The following CSMD3 variants were observed in gnomAD, a reference collection of about 807,000 sequenced individuals.
The protein encoded by CSMD3 is CUB and sushi domain-containing protein 3.
Under a neutral mutation model 435.2 loss-of-function variants are expected in CSMD3, and 177 were observed. The ratio of observed to expected loss-of-function variants is 0.41; its 90% CI spans 0.36 to 0.46. The LOEUF (loss-of-function observed/expected upper bound fraction) is 0.46. Ranked by LOEUF, CSMD3 falls within the 20% of genes least tolerant of loss-of-function variation. CSMD3 has a pLI of 0.34. For missense variants in CSMD3, 4,265 were observed against 4,504.6 expected (o/e 0.95, Z 1.52); for synonymous variants, 1,656 against 1,520.5 (o/e 1.09, Z -2.07).
intron 3 of CSMD3, among the ~76,000 whole-genome samples, chr8:113,178,840 C>A (rs576233147): frequency 6.6e-6 from 1 of 151,894 alleles, no homozygotes; most frequent in Non-Finnish European, 1.5e-5. Context: ...AAAAATATTT[C>A]GAAAGGCTTG....
At chr8:112,453,622 CA>C (rs1411880349) in intron 32 of CSMD3, among the ~76,000 whole-genome samples, 1 of 151,986 alleles carries the variant, frequency 6.6e-6, no homozygotes, top group African/African-American at 2.4e-5. Context: ...ATGACACAAA[CA>C]AATGGAAAAA....
chr8:112,327,360 C>A (rs904722034), intron 45 of CSMD3, among the ~76,000 whole-genome samples: 4 of 152,100 alleles, frequency 2.6e-5, no homozygotes, highest in Non-Finnish European at 2.9e-5. Flanking sequence ...GAAATCATTT[C>A]TCCTAGACTC....
At chr8:112,827,918 C>A (rs2132468566) in intron 12 of CSMD3, among the ~76,000 whole-genome samples, 1 of 152,210 alleles carries the variant, frequency 6.6e-6, no homozygotes, top group African/African-American at 2.4e-5. Context: ...ACCAGTTTTA[C>A]AAGAAGCCAT....
chr8:113,410,900 T>TGAAAGAAGAAAGAAA (rs1306552752), intron 1 of CSMD3, among the ~76,000 whole-genome samples: 1 of 105,396 alleles, frequency 9.5e-6, no homozygotes. Context: ...CAAAACCCTG[T>TGAAAGAAGAAAGAAA]GAAAGAAAGA....
chr8:113,071,319 A>T (rs2089106344), intron 5 of CSMD3, among the ~76,000 whole-genome samples: 1 of 151,948 alleles, frequency 6.6e-6, no homozygotes, highest in South Asian at 2.1e-4. Flanking sequence ...TGAGGTGCAG[A>T]AACTTCAGTT....
chr8:113,216,745 A>G (rs1399033528), intron 3 of CSMD3, among the ~76,000 whole-genome samples: 1 of 151,926 alleles, frequency 6.6e-6, no homozygotes, highest in Non-Finnish European at 1.5e-5. Context: ...CATGCAGAGT[A>G]TCTGGCTCCT....
intron 13 of CSMD3, among the ~76,000 whole-genome samples, chr8:112,702,411 A>G (rs1397851861): frequency 6.6e-6 from 1 of 152,170 alleles, no homozygotes; most frequent in Admixed American, 6.6e-5. Context: ...AGCAATCACA[A>G]AATCTCATAG....
At chr8:112,342,970 A>ATTATATATATATAT (rs1563815181) in intron 41 of CSMD3, among the ~76,000 whole-genome samples, 2 of 87,202 alleles carry the variant, frequency 2.3e-5, no homozygotes, top group African/African-American at 7.5e-5. Context: ...CTTGAAATGT[A>ATTATATATATATAT]TTATATATAT....
Position 112,461,105 on chromosome 8 carries a change from ACAC to A in CSMD3, c.5395+11483_5395+11485del, listed in dbSNP as rs1341463264. ...ATATGAGTCACCAAAACAGAAAAAA[ACAC>A]CAAACATGTGTGTTTTAATTATAAT... is the stretch of plus-strand genomic sequence containing the variant. On this transcript the variant is annotated intron_variant, in intron 32 of 70. Transcript: ENST00000297405. Among the ~76,000 whole-genome samples, 4 of 152,272 alleles carry A rather than the reference ACAC, an allele frequency of 2.6e-5. No individual in the cohort carries two copies. In the East Asian group the frequency reaches 7.7e-4, roughly 29 times the overall value.
Position 112,829,705 on chromosome 8 carries a change from G to C in CSMD3, c.1840C>G (p.Pro614Ala), listed in dbSNP as rs771192707. 2 of 1,609,218 alleles carry C rather than the reference G, an allele frequency of 1.2e-6. No homozygotes were observed. The highest frequency in any genetic ancestry group is 1.7e-6 in the Non-Finnish European group (2 of 1,175,748). The change falls in exon 12 of 71, where the codon CCT becomes GCT. Residue 614 changes from proline to alanine, a missense_variant. Physicochemically the swap from Pro to Ala is conservative, Grantham distance 27. Around this residue, in one of 3 missense-constraint regions of CSMD3, gnomAD observed 731 missense variants for 755.4 expected, o/e 0.97. Transcript: ENST00000297405. ...ACTTACACTTGGAGCACTGTCCTAGGATCTCCAACTTCGCCCCCATCGCCA... is the reference window on the plus strand; with the variant it reads ...ACTTACACTTGGAGCACTGTCCTAGCATCTCCAACTTCGCCCCCATCGCCA... The part of the protein sequence containing the change: ...TIGDGGEVGD[P>A]RTVLQVLTGS...
At chr8:112,913,830 C>T (rs1224076004) in intron 10 of CSMD3, among the ~76,000 whole-genome samples, 1 of 151,776 alleles carries the variant, frequency 6.6e-6, no homozygotes, top group Non-Finnish European at 1.5e-5. Context: ...CCTGCTTATC[C>T]TTTTCTATAA....
intron 9 of CSMD3, among the ~76,000 whole-genome samples, chr8:112,937,483 T>G (rs2083319278): frequency 6.6e-6 from 1 of 151,924 alleles, no homozygotes; most frequent in African/African-American, 2.4e-5. Flanking sequence ...CCCAAGTGGT[T>G]GGGATTACAG....
At chr8:112,431,841 G>T (rs1563938089) in intron 32 of CSMD3, among the ~76,000 whole-genome samples, 1 of 151,974 alleles carries the variant, frequency 6.6e-6, no homozygotes, top group Non-Finnish European at 1.5e-5. Context: ...ACCAAAAATG[G>T]GATAGACAAT....
chr8:112,651,558 G>C (rs567194589), intron 18 of CSMD3, among the ~76,000 whole-genome samples: 1 of 92,540 alleles, frequency 1.1e-5, no homozygotes, highest in Admixed American at 1.2e-4. Context: ...TTTTTTTTTT[G>C]ACGGAGTCTC....
chr8:113,017,617 T>C (rs2086516835), intron 6 of CSMD3, among the ~76,000 whole-genome samples: 1 of 151,834 alleles, frequency 6.6e-6, no homozygotes, highest in Non-Finnish European at 1.5e-5. Flanking sequence ...CCTTAACTAA[T>C]TGTAGAAAGG....
intron 2 of CSMD3, among the ~76,000 whole-genome samples, chr8:113,302,266 T>C (rs1324159701): frequency 5.5e-5 from 5 of 91,048 alleles, no homozygotes; most frequent in Middle Eastern, 6.2e-3. Context: ...ATAAAATATA[T>C]ATAATATATA....
chr8:112,693,475 TTCC>T (rs2076183223), intron 13 of CSMD3, among the ~76,000 whole-genome samples: 1 of 152,076 alleles, frequency 6.6e-6, no homozygotes, highest in African/African-American at 2.4e-5. Context: ...TAAAGATGTT[TTCC>T]TCTAGTCTAT....
intron 3 of CSMD3, among the ~76,000 whole-genome samples, chr8:113,194,657 G>A (rs1468962585): frequency 6.6e-6 from 1 of 151,104 alleles, no homozygotes; most frequent in East Asian, 1.9e-4. Context: ...CGAAGGAGAT[G>A]AAAACTTTCT....
chr8:112,875,707 A>G (rs1305963296), intron 10 of CSMD3, among the ~76,000 whole-genome samples: 2 of 152,036 alleles, frequency 1.3e-5, no homozygotes, highest in Non-Finnish European at 2.9e-5. Flanking sequence ...CCAATGGATC[A>G]ATTTGGCTGA....
Sources: gnomAD v4.1 joint callset for allele counts (sites outside exome capture counted in the v4.1 genomes callset) on GRCh38, gnomAD v4.1.1 for gene constraint, gnomAD v4.1.1 regional missense constraint, MANE v1.5 for transcripts, NCBI Gene and HGNC (gene_info 2026-07-23, HGNC 2026-07-21) for gene names.